Variants in BBX observed in about 807,000 individuals in gnomAD.
BBX encodes the protein BBX high mobility group box domain containing.
BBX carries 30 observed loss-of-function variants against 100.2 expected under a neutral mutation model. That is an observed-to-expected ratio of 0.30 (90% confidence interval 0.22 to 0.41). The LOEUF is 0.41. BBX is among the 10% of genes least tolerant of loss of function. The pLI, the probability that BBX is intolerant of heterozygous loss-of-function variation, is 1.00. For synonymous variants in BBX, 376 were observed against 388.1 expected (o/e 0.97, Z 0.37); for missense variants, 1,023 against 1,129.8 (o/e 0.91, Z 1.35).
intron 3 of BBX, among the ~76,000 whole-genome samples, chr3:107,671,267 C>T (rs146345470): frequency 2.6e-5 from 4 of 152,042 alleles, no homozygotes; most frequent in African/African-American, 9.6e-5. Flanking sequence ...AATTAGCATT[C>T]AGATTATATT....
chr3:107,601,799 A>G (rs1201122464), intron 2 of BBX, among the ~76,000 whole-genome samples: 3 of 152,366 alleles, frequency 2.0e-5, no homozygotes, highest in East Asian at 3.9e-4. Flanking sequence ...GCTACACTAA[A>G]CAACATATTT....
intron 3 of BBX, among the ~76,000 whole-genome samples, chr3:107,651,502 T>G (rs2057835712): frequency 6.6e-6 from 1 of 152,188 alleles, no homozygotes; most frequent in African/African-American, 2.4e-5. Context: ...ATACTAGAAA[T>G]GTATTTGAAA....
intron 3 of BBX, among the ~76,000 whole-genome samples, chr3:107,652,450 A>G (rs1009624595): frequency 6.6e-6 from 1 of 150,540 alleles, no homozygotes; most frequent in Non-Finnish European, 1.5e-5. Context: ...TCAGTTTGTC[A>G]GTGTAATTGT....
chr3:107,716,801 T>C lies in BBX; in HGVS notation c.357T>C (p.Ala119=). ...CCAAGATACTAGCTGATTGGTGGGC[T>C]GTTCTTGATCCAAAGGAAAAGCAGA... ...GATKILADWW[A]VLDPKEKQKY... Residue 119 remains alanine (A), a synonymous_variant, in exon 5 of 18, where the codon GCT becomes GCC. Transcript: ENST00000325805. 1 of 1,613,710 alleles carries C rather than the reference T, an allele frequency of 6.2e-7. No homozygotes were observed. Among genetic ancestry groups the C allele is most frequent in the Non-Finnish European group, 8.5e-7 (1 of 1,179,684 alleles).
intron 2 of BBX, among the ~76,000 whole-genome samples, chr3:107,549,390 G>T (rs2049487947): frequency 1.3e-5 from 2 of 152,170 alleles, no homozygotes; most frequent in African/African-American, 4.8e-5. Flanking sequence ...TAAAGCAAGG[G>T]AAGGAGAGAG....
chr3:107,542,473 G>A (rs1264543343), intron 2 of BBX, among the ~76,000 whole-genome samples: 2 of 152,232 alleles, frequency 1.3e-5, no homozygotes, highest in Non-Finnish European at 2.9e-5. Context: ...AGCATATAGA[G>A]ATGGAAGTGG....
intron 2 of BBX, among the ~76,000 whole-genome samples, chr3:107,640,406 C>G (rs895889704): frequency 2.6e-5 from 4 of 152,162 alleles, no homozygotes; most frequent in African/African-American, 9.7e-5. Flanking sequence ...TTTGCTCATC[C>G]TATGCCTTTA....
chr3:107,721,898 T>C (rs1361128364), intron 5 of BBX, among the ~76,000 whole-genome samples: 1 of 151,994 alleles, frequency 6.6e-6, no homozygotes, highest in South Asian at 2.1e-4. Flanking sequence ...TAAAACTCTA[T>C]ACAAATGTTG....
At chr3:107,756,432 C>A (rs956122017) in intron 10 of BBX, among the ~76,000 whole-genome samples, 2 of 152,090 alleles carry the variant, frequency 1.3e-5, no homozygotes, top group Admixed American at 6.6e-5. Context: ...AAATCTCTTA[C>A]TAAATTTTTT....
chr3:107,750,887 A>G (rs2065027724), intron 9 of BBX, among the ~76,000 whole-genome samples: 1 of 152,094 alleles, frequency 6.6e-6, no homozygotes, highest in African/African-American at 2.4e-5. Context: ...TTCTTGTTTT[A>G]ATTAGTCAAA....
intron 2 of BBX, among the ~76,000 whole-genome samples, chr3:107,592,530 T>G (rs927318279): frequency 2.0e-5 from 3 of 152,046 alleles, no homozygotes; most frequent in Non-Finnish European, 4.4e-5. Flanking sequence ...TACAAGGAAA[T>G]TTTAGGGAAA....
chr3:107,553,968 A>C (rs962931902), intron 2 of BBX, among the ~76,000 whole-genome samples: 1 of 152,154 alleles, frequency 6.6e-6, no homozygotes, highest in Non-Finnish European at 1.5e-5. Context: ...TGGATTCTCC[A>C]GATAAGCAGT....
chr3:107,592,509 G>A (rs1003361422), intron 2 of BBX, among the ~76,000 whole-genome samples: 1 of 151,948 alleles, frequency 6.6e-6, no homozygotes, highest in Non-Finnish European at 1.5e-5. Flanking sequence ...ACGTCTATTG[G>A]AGTCCAGTAA....
chr3:107,801,742 G>A (rs2070508538), intron 17 of BBX, among the ~76,000 whole-genome samples: 1 of 152,110 alleles, frequency 6.6e-6, no homozygotes, highest in Non-Finnish European at 1.5e-5. Context: ...TCCCAGTGCT[G>A]GTGTGTGGAA....
rs545294195 is a variant in BBX, at chr3:107,807,673, T to C, written c.*2216T>C. The C allele has an allele frequency of 6.6e-6, 1 of 151,950 alleles. No homozygotes were observed. The highest frequency in any genetic ancestry group is 6.6e-5 in the Admixed American group (1 of 15,258). The allele number at this position is 151,950 out of a possible 1,614,324, so 9.4% of individuals were successfully genotyped here. Reference sequence around the variant, plus strand: ...TCCTCCGATTACATTTCACTAGAGTTCCTTACGAGATTGCTGTATATTCCT... The same window carrying C: ...TCCTCCGATTACATTTCACTAGAGTCCCTTACGAGATTGCTGTATATTCCT... On this transcript the variant is annotated 3_prime_UTR_variant, in exon 18 of 18. Transcript: ENST00000325805.
At chr3:107,630,147 T>G (rs1157808860) in intron 2 of BBX, among the ~76,000 whole-genome samples, 1 of 152,178 alleles carries the variant, frequency 6.6e-6, no homozygotes, top group Non-Finnish European at 1.5e-5. Flanking sequence ...GGGGAGCTTT[T>G]CCAGCTCTGG....
In BBX at chr3:107,774,864, G is replaced by T. The variant is rs371287218; in HGVS notation, c.2054+7G>T. 7.4e-6 allele frequency: 12 copies of T among 1,612,476 alleles called. No homozygotes were observed. Among genetic ancestry groups the T allele is most frequent in the Admixed American group, 1.7e-5 (1 of 59,824 alleles). ...AAGAAGACTGTCTCCTTGGGTAAGT[G>T]CCTGTGAGCACAGTCACCTGTACTC... On this transcript the variant is annotated splice_region_variant and intron_variant, in intron 12 of 17. Coordinates refer to ENST00000325805, the MANE Select transcript of BBX (RefSeq NM_001142568.3).
At chr3:107,676,637 A>C (rs1378293612) in intron 3 of BBX, among the ~76,000 whole-genome samples, 3 of 152,162 alleles carry the variant, frequency 2.0e-5, no homozygotes, top group Non-Finnish European at 2.9e-5. Flanking sequence ...TGTGTTATGC[A>C]GCCATTATAG....
At chr3:107,707,205 G>A (rs1045630538) in intron 3 of BBX, among the ~76,000 whole-genome samples, 4 of 152,126 alleles carry the variant, frequency 2.6e-5, no homozygotes, top group African/African-American at 9.7e-5. Flanking sequence ...ACTAGGGGTT[G>A]CCAGCCTTAT....
Sources: allele counts gnomAD v4.1 joint callset (sites outside exome capture counted in the v4.1 genomes callset), GRCh38; gene constraint gnomAD v4.1.1; transcripts MANE v1.5; gene names NCBI Gene and HGNC (gene_info 2026-07-23, HGNC 2026-07-21).